NAALADL2: variants seen among roughly 807,000 people sequenced by gnomAD.
NAALADL2 encodes inactive N-acetylated-alpha-linked acidic dipeptidase-like protein 2.
NAALADL2 carries 76 observed loss-of-function variants against 87.2 expected under a neutral mutation model. That is an observed-to-expected ratio of 0.87 (90% CI 0.72 to 1.05). The LOEUF is 1.05. Ranked by LOEUF, NAALADL2 falls within the 50% of genes least tolerant of loss-of-function variation. NAALADL2 has a pLI of 0.00. For synonymous variants in NAALADL2, 354 were observed against 331.0 expected (o/e 1.07, Z -0.75); for missense variants, 1,089 against 945.8 (o/e 1.15, Z -1.99).
intron 5 of NAALADL2, among the ~76,000 whole-genome samples, chr3:175,423,523 T>G (rs145074670): frequency 0.056 from 8,497 of 151,682 alleles, 259 homozygotes; most frequent in South Asian, 0.079. Context: ...GGTATTTGGT[T>G]TTTTGTCCTT....
chr3:175,213,626 A>T (rs1345419557), intron 2 of NAALADL2, among the ~76,000 whole-genome samples: 3 of 152,186 alleles, frequency 2.0e-5, no homozygotes, highest in Non-Finnish European at 4.4e-5. Context: ...CAGAAGGCAG[A>T]TGATGGTGAA....
chr3:175,395,079 G>A (rs969036396), intron 5 of NAALADL2, among the ~76,000 whole-genome samples: 11 of 152,076 alleles, frequency 7.2e-5, no homozygotes, highest in Non-Finnish European at 1.5e-4. Context: ...GAACACAAGC[G>A]TTGGGATACC....
intron 13 of NAALADL2, among the ~76,000 whole-genome samples, chr3:175,788,071 T>A (rs1342086579): frequency 4.7e-5 from 7 of 150,126 alleles, no homozygotes; most frequent in Non-Finnish European, 8.9e-5. Flanking sequence ...CTTACACAGG[T>A]GTACAGTTTT....
intron 5 of NAALADL2, among the ~76,000 whole-genome samples, chr3:175,403,308 A>T (rs1426285126): frequency 6.6e-6 from 1 of 152,004 alleles, no homozygotes; most frequent in Non-Finnish European, 1.5e-5. Context: ...CAGTAGAGGT[A>T]TACAGAAGTG....
intron 11 of NAALADL2, among the ~76,000 whole-genome samples, chr3:175,639,970 A>G (rs1224828865): frequency 6.6e-6 from 1 of 152,232 alleles, no homozygotes; most frequent in East Asian, 1.9e-4. Flanking sequence ...GACTGGGAAC[A>G]TGGAACTGAG....
chr3:174,889,842 AACAG>A (rs561282128), intron 1 of NAALADL2, among the ~76,000 whole-genome samples: 468 of 152,338 alleles, frequency 3.1e-3, no homozygotes, highest in Non-Finnish European at 5.6e-3. Flanking sequence ...CAAATGGGTA[AACAG>A]ACAGTCTTCT....
intron 12 of NAALADL2, among the ~76,000 whole-genome samples, chr3:175,737,727 T>TTTG (rs1744698978): frequency 7.1e-6 from 1 of 141,190 alleles, no homozygotes; most frequent in Non-Finnish European, 1.5e-5. Context: ...TTTTTTTTTT[T>TTTG]TTTTTTTTTT....
At chr3:174,624,421 C>T (rs1210657647) in intron 2 of NAALADL2, among the ~76,000 whole-genome samples, 1 of 151,960 alleles carries the variant, frequency 6.6e-6, no homozygotes, top group Non-Finnish European at 1.5e-5. Context: ...GTTAGGAGTT[C>T]AATTCCAGCC....
intron 4 of NAALADL2, among the ~76,000 whole-genome samples, chr3:175,272,495 G>T (rs1752987278): frequency 6.6e-6 from 1 of 152,004 alleles, no homozygotes; most frequent in Non-Finnish European, 1.5e-5. Flanking sequence ...TCTGTTAATA[G>T]CCATGTTTAT....
At position 175,209,450 on chromosome 3, in the gene NAALADL2, TG is replaced by T. The variant is rs560827936; in HGVS notation, c.546-24480del. On this transcript the variant is annotated intron_variant, in intron 2 of 13. Coordinates refer to ENST00000454872, the MANE Select transcript of NAALADL2 (RefSeq NM_207015.3). ...AACATTCTTGAGAAAGAGAAAATTT[TG>T]TTCTTGAAAATGGCCACTTTTCTTT... Among the ~76,000 whole-genome samples, 942 of 152,186 alleles carry T rather than the reference TG, an allele frequency of 6.2e-3. 6 individuals are homozygous for T. The highest frequency in any genetic ancestry group is 0.021 in the African/African-American group (869 of 41,558).
At chr3:174,625,345 AC>A (rs1317728651) in intron 2 of NAALADL2, among the ~76,000 whole-genome samples, 1 of 152,030 alleles carries the variant, frequency 6.6e-6, no homozygotes, top group Non-Finnish European at 1.5e-5. Context: ...GCCATAAGCC[AC>A]CACGCCTGGC....
At chr3:174,636,668 A>G (rs755227729) in intron 2 of NAALADL2, among the ~76,000 whole-genome samples, 3 of 152,178 alleles carry the variant, frequency 2.0e-5, no homozygotes, top group Non-Finnish European at 4.4e-5. Context: ...GATGTTGGCA[A>G]GGATACAGAG....
At chr3:175,310,154 T>C (rs1343192479) in intron 4 of NAALADL2, among the ~76,000 whole-genome samples, 1 of 152,214 alleles carries the variant, frequency 6.6e-6, no homozygotes, top group African/African-American at 2.4e-5. Context: ...TTGCTTTTTT[T>C]CCAAATACAT....
chr3:174,671,304 A>G (rs1726509507), intron 2 of NAALADL2, among the ~76,000 whole-genome samples: 1 of 152,126 alleles, frequency 6.6e-6, no homozygotes, highest in Non-Finnish European at 1.5e-5. Flanking sequence ...AGGAAGTTCT[A>G]TAACTTATAT....
intron 5 of NAALADL2, among the ~76,000 whole-genome samples, chr3:175,345,465 T>C (rs1763056888): frequency 6.6e-6 from 1 of 152,154 alleles, no homozygotes; most frequent in Admixed American, 6.6e-5. Context: ...AGGCATCAAA[T>C]ACCACTTCTT....
At chr3:174,671,033 T>TC (rs1400117231) in intron 2 of NAALADL2, among the ~76,000 whole-genome samples, 7 of 152,152 alleles carry the variant, frequency 4.6e-5, no homozygotes, top group African/African-American at 1.7e-4. Context: ...TGTGGCTGCT[T>TC]CCCCTCTGCT....
intron 3 of NAALADL2, among the ~76,000 whole-genome samples, chr3:174,747,648 AAAG>A (rs1164886080): frequency 4.1e-5 from 6 of 145,408 alleles, no homozygotes; most frequent in Non-Finnish European, 9.2e-5. Context: ...AAAAAAAAAG[AAAG>A]TCAAGAAACA....
intron 5 of NAALADL2, among the ~76,000 whole-genome samples, chr3:175,411,422 A>G (rs1228043151): frequency 2.0e-5 from 3 of 152,158 alleles, no homozygotes; most frequent in East Asian, 1.9e-4. Context: ...GACTGGGGGT[A>G]AAAATTTGAG....
intron 2 of NAALADL2, among the ~76,000 whole-genome samples, chr3:174,707,047 C>T (rs1449351541): frequency 3.9e-5 from 6 of 152,148 alleles, no homozygotes; most frequent in African/African-American, 9.7e-5. Flanking sequence ...TGAAAAAATG[C>T]TCATCATCAC....
Sources: allele counts gnomAD v4.1 joint callset (sites outside exome capture counted in the v4.1 genomes callset), GRCh38; gene constraint gnomAD v4.1.1; transcripts MANE v1.5; gene names NCBI Gene and HGNC (gene_info 2026-07-23, HGNC 2026-07-21).